The following BEND7 variants were observed in gnomAD, a reference collection of about 807,000 sequenced individuals.
The protein encoded by BEND7 is BEN domain-containing protein 7.
Under a neutral mutation model 50.9 loss-of-function variants are expected in BEND7, and 28 were observed. The observed-to-expected ratio is 0.55, with a 90% CI of 0.41 to 0.75. BEND7 has a LOEUF of 0.75. Among genes scored for constraint, BEND7 ranks in the 30% least tolerant of loss-of-function variants. The pLI is 0.00. For missense variants in BEND7, 477 were observed against 491.3 expected (o/e 0.97, Z 0.28); for synonymous variants, 170 against 183.9 (o/e 0.92, Z 0.61).
intron 4 of BEND7, among the ~76,000 whole-genome samples, chr10:13,496,451 AG>A (rs2077024893): frequency 6.6e-6 from 1 of 152,250 alleles, no homozygotes; most frequent in Non-Finnish European, 1.5e-5. Context: ...TGCTTCCTAA[AG>A]GACCCCTCCA....
chr10:13,529,249 G>A (rs988284757), upstream of BEND7, among the ~76,000 whole-genome samples: 2 of 149,084 alleles, frequency 1.3e-5, no homozygotes, highest in African/African-American at 4.9e-5. Context: ...GCCGCCGCCC[G>A]GGCCTCCGCT....
At chr10:13,480,543 G>A (rs976050939) in intron 6 of BEND7, 4 of 734,738 alleles carry the variant, frequency 5.4e-6, no homozygotes, top group Admixed American at 6.3e-5. Context: ...AAGCATCATA[G>A]CTTTATTCTC....
At chr10:13,445,355 A>G (rs1836088839) in intron 8 of BEND7, 1 of 152,218 alleles carries the variant, frequency 6.6e-6, no homozygotes, top group African/African-American at 2.4e-5. Flanking sequence ...GAGACAGTGA[A>G]GAGGACTCCT....
At chr10:13,505,029 C>T (rs1032463697) in intron 2 of BEND7, among the ~76,000 whole-genome samples, 2 of 152,270 alleles carry the variant, frequency 1.3e-5, no homozygotes, top group Non-Finnish European at 2.9e-5. Context: ...CGATTATTCA[C>T]AGGTAATCAC....
chr10:13,502,993 T>C (rs2077592031), intron 2 of BEND7: 1 of 938,208 alleles, frequency 1.1e-6, no homozygotes, highest in Non-Finnish European at 1.3e-6. Flanking sequence ...AGTGCTACCA[T>C]TAGCAACAGG....
chr10:13,445,195 G>C (rs1836051381), intron 8 of BEND7: 1 of 152,118 alleles, frequency 6.6e-6, no homozygotes, highest in Non-Finnish European at 1.5e-5. Flanking sequence ...TCTATCAATA[G>C]TTTAATGAAA....
At chr10:13,481,309 G>A (rs1050811736) in intron 5 of BEND7, among the ~76,000 whole-genome samples, 185 bp from the exon 6 acceptor site, 2 of 152,162 alleles carry the variant, frequency 1.3e-5, no homozygotes, top group Non-Finnish European at 2.9e-5. Flanking sequence ...TATAACTTAT[G>A]AAACAAGATG....
intron 6 of BEND7, among the ~76,000 whole-genome samples, chr10:13,458,726 G>A (rs530340574): frequency 4.6e-5 from 7 of 152,336 alleles, no homozygotes; most frequent in African/African-American, 1.7e-4. Flanking sequence ...TCTGCTGCCA[G>A]GTCCCAGGGG....
intron 2 of BEND7, among the ~76,000 whole-genome samples, chr10:13,504,610 A>C (rs2077733850): frequency 6.6e-6 from 1 of 152,230 alleles, no homozygotes; most frequent in South Asian, 2.1e-4. Context: ...CCAGGTATAG[A>C]TACCAGGAAA....
At chr10:13,483,170 T>C (rs74122774) in intron 5 of BEND7, among the ~76,000 whole-genome samples, 4,499 of 152,198 alleles carry the variant, frequency 0.03, 229 homozygotes, top group African/African-American at 0.1. Context: ...ACTAGTTACT[T>C]ATATAATCTC....
chr10:13,471,444 G>A (rs891054053), intron 6 of BEND7, among the ~76,000 whole-genome samples: 1 of 152,168 alleles, frequency 6.6e-6, no homozygotes, highest in Admixed American at 6.5e-5. Context: ...GCAATCAAGG[G>A]GACTTTAGCC....
At chr10:13,475,547 G>T (rs1479467071) in intron 6 of BEND7, among the ~76,000 whole-genome samples, 9 of 152,160 alleles carry the variant, frequency 5.9e-5, no homozygotes, top group Admixed American at 5.9e-4. Flanking sequence ...CAGTGGAGCT[G>T]ATTCTCACTA....
chr10:13,506,372 C>G (rs2077890446), intron 2 of BEND7, among the ~76,000 whole-genome samples: 1 of 152,158 alleles, frequency 6.6e-6, no homozygotes, highest in African/African-American at 2.4e-5. Context: ...CTCTTTTAAC[C>G]CCTGGAAGAA....
chr10:13,496,535 A>G (rs892219140), intron 4 of BEND7, among the ~76,000 whole-genome samples: 1 of 152,244 alleles, frequency 6.6e-6, no homozygotes, highest in African/African-American at 2.4e-5. Flanking sequence ...AAGTCTATCG[A>G]GTACATACAC....
chr10:13,448,911 C>G (rs1837053931), intron 7 of BEND7, among the ~76,000 whole-genome samples: 1 of 147,018 alleles, frequency 6.8e-6, no homozygotes, highest in Non-Finnish European at 1.5e-5. Context: ...GGAGGCGGAG[C>G]TTGGTGAGCC....
At chr10:13,472,489 C>T (rs990221438) in intron 6 of BEND7, among the ~76,000 whole-genome samples, 2 of 151,630 alleles carry the variant, frequency 1.3e-5, no homozygotes, top group East Asian at 1.9e-4. Flanking sequence ...CTGTTAGACT[C>T]GGGGCTGATA....
At position 13,441,619 on chromosome 10, in the gene BEND7, A is replaced by G; in HGVS notation, c.*124T>C. 6.4e-7 allele frequency: 1 copy of G among 1,555,252 alleles called. No individual in the cohort carries two copies. Among genetic ancestry groups the G allele is most frequent in the Non-Finnish European group, 8.7e-7 (1 of 1,152,768 alleles). On this transcript the variant is annotated 3_prime_UTR_variant, in exon 9 of 9. Coordinates refer to ENST00000466271, the MANE Select transcript of BEND7 (RefSeq NM_001369863.1). Reference sequence around the variant, plus strand: ...AGCAACATACTCATCCTATTTTAACACGGCGAAAGGTCACCAATTAATCTT... The same window carrying G: ...AGCAACATACTCATCCTATTTTAACGCGGCGAAAGGTCACCAATTAATCTT...
At chr10:13,480,083 T>C (rs1011971413) in intron 6 of BEND7, among the ~76,000 whole-genome samples, 1 of 152,186 alleles carries the variant, frequency 6.6e-6, no homozygotes, top group Non-Finnish European at 1.5e-5. Flanking sequence ...AGAGTCTCAT[T>C]TTTCATGGAG....
intron 2 of BEND7, among the ~76,000 whole-genome samples, chr10:13,523,383 C>G (rs895676119): frequency 6.6e-6 from 1 of 152,240 alleles, no homozygotes; most frequent in Non-Finnish European, 1.5e-5. Context: ...CGTTCGTTAA[C>G]AGCCTAAACA....
Sources: allele counts gnomAD v4.1 joint callset (sites outside exome capture counted in the v4.1 genomes callset), GRCh38; gene constraint gnomAD v4.1.1; transcripts MANE v1.5; gene names NCBI Gene and HGNC (gene_info 2026-07-23, HGNC 2026-07-21).